The following CSMD1 variants were observed in gnomAD, a reference collection of about 807,000 sequenced individuals.
CSMD1 encodes CUB and Sushi multiple domains 1.
Under a neutral mutation model 417.5 loss-of-function variants are expected in CSMD1, and 213 were observed. That is an observed-to-expected ratio of 0.51 (90% CI 0.46 to 0.57). The LOEUF is 0.57. CSMD1 is among the 20% of genes least tolerant of loss of function. The pLI is 0.00. For missense variants in CSMD1, 6,923 were observed against 4,529.7 expected, an observed-to-expected ratio of 1.53 and a Z score of -15.17; for synonymous variants, 2,862 against 1,736.8, an observed-to-expected ratio of 1.65 and a Z score of -16.11.
At chr8:3,409,039 G>T (rs17066021) in intron 13 of CSMD1, among the ~76,000 whole-genome samples, 1 of 151,890 alleles carries the variant, frequency 6.6e-6, no homozygotes, top group East Asian at 1.9e-4. Context: ...ACCCATGCTC[G>T]CACTGGTGAA....
intron 7 of CSMD1, among the ~76,000 whole-genome samples, chr8:3,653,546 T>C (rs1303285301): frequency 6.6e-6 from 1 of 152,144 alleles, no homozygotes; most frequent in Non-Finnish European, 1.5e-5. Flanking sequence ...TGACCTCAAG[T>C]AATCAGCGCA....
chr8:3,659,369 C>A (rs747078197), intron 7 of CSMD1, among the ~76,000 whole-genome samples: 1 of 152,184 alleles, frequency 6.6e-6, no homozygotes, highest in African/African-American at 2.4e-5. Context: ...TTACTACCCA[C>A]TGATGAAATT....
chr8:4,921,076 A>AAAAG (rs767823930), intron 1 of CSMD1, among the ~76,000 whole-genome samples: 3 of 151,124 alleles, frequency 2.0e-5, no homozygotes, highest in African/African-American at 7.3e-5. Flanking sequence ...AAGAGAAAGA[A>AAAAG]AAAGAAAGAA....
chr8:4,066,703 A>G (rs1799268421), intron 3 of CSMD1, among the ~76,000 whole-genome samples: 1 of 152,144 alleles, frequency 6.6e-6, no homozygotes, highest in African/African-American at 2.4e-5. Flanking sequence ...AAATTAGATG[A>G]TAGTATATTT....
chr8:4,666,457 G>A (rs146132215), intron 1 of CSMD1, among the ~76,000 whole-genome samples: 3 of 152,244 alleles, frequency 2.0e-5, no homozygotes, highest in African/African-American at 4.8e-5. Context: ...AATGTGGGCA[G>A]CCTCTAGAAG....
intron 46 of CSMD1, among the ~76,000 whole-genome samples, chr8:3,102,238 ATAAT>A (rs1166207606): frequency 2.0e-5 from 3 of 152,234 alleles, no homozygotes; most frequent in Non-Finnish European, 1.5e-5. Flanking sequence ...AAGAAAGATG[ATAAT>A]TAAGTGATTC....
rs1014456020 is a variant in CSMD1, at chr8:2,962,411, C to T, written c.9628+55G>A. The T allele has an allele frequency of 1.5e-5, 22 of 1,474,336 alleles. No individual in the cohort carries two copies. The South Asian group carries it at 2.4e-4, about 16-fold the overall frequency. The allele number at this position is 1,474,336 out of a possible 1,614,324, so 91.3% of individuals were successfully genotyped here. The stretch of plus-strand genomic sequence containing the variant: ...CAAATGACCCAATTTCGGAATGAAG[C>T]GTCCTCATCTCCAAATACTCCCAGG... On this transcript the variant is annotated intron_variant, in intron 61 of 69. Coordinates refer to ENST00000635120, the MANE Select transcript of CSMD1 (RefSeq NM_033225.6).
In CSMD1 at chr8:3,575,166, A is replaced by G. The variant is rs1800098197; in HGVS notation, c.1223-100T>C. On this transcript the variant is annotated intron_variant, in intron 9 of 69. Coordinates refer to ENST00000635120, the MANE Select transcript of CSMD1 (RefSeq NM_033225.6). ...ATTTCAAGTTAGCTATTATCTAATC[A>G]CAGTAAAAAAAAAAAAAAAAATGGT... 5 of 1,063,346 alleles carry G rather than the reference A, an allele frequency of 4.7e-6. No individual in the cohort carries two copies. In the East Asian group the frequency reaches 1.2e-4, roughly 25 times the overall value. 65.9% of individuals were successfully genotyped at this position (1,063,346 alleles called of 1,614,324 possible).
At chr8:4,131,806 A>C (rs1370206198) in intron 3 of CSMD1, among the ~76,000 whole-genome samples, 1 of 114,254 alleles carries the variant, frequency 8.8e-6, no homozygotes, top group Non-Finnish European at 1.6e-5. Context: ...TCTGTCACCC[A>C]GGCTGGACTG....
chr8:3,279,138 G>C (rs1802536603), intron 26 of CSMD1: 1 of 152,174 alleles, frequency 6.6e-6, no homozygotes, highest in African/African-American at 2.4e-5. Flanking sequence ...GGTCAGACCA[G>C]CGTCTTCGTG....
intron 10 of CSMD1, among the ~76,000 whole-genome samples, chr8:3,557,706 C>T (rs1313019633): frequency 6.6e-6 from 1 of 152,152 alleles, no homozygotes; most frequent in Non-Finnish European, 1.5e-5. Flanking sequence ...CAGTAAAACA[C>T]ATCACAGCTT....
At chr8:3,812,072 G>C (rs569179908) in intron 5 of CSMD1, among the ~76,000 whole-genome samples, 6 of 152,198 alleles carry the variant, frequency 3.9e-5, no homozygotes, top group East Asian at 3.9e-4. Context: ...GATTTCATCA[G>C]TCACTGGGGT....
At chr8:3,866,106 A>C (rs13250493) in intron 5 of CSMD1, among the ~76,000 whole-genome samples, 12,068 of 152,264 alleles carry the variant, frequency 0.079, 543 homozygotes, top group South Asian at 0.15. Flanking sequence ...AATAAGGATT[A>C]CATTATTCCA....
chr8:3,216,269 T>G (rs984936647), intron 29 of CSMD1, among the ~76,000 whole-genome samples: 5 of 152,190 alleles, frequency 3.3e-5, no homozygotes, highest in Non-Finnish European at 7.4e-5. Flanking sequence ...TTTAAGCAAA[T>G]ACAGATCAAA....
chr8:4,380,822 T>C (rs1803055102), intron 3 of CSMD1, among the ~76,000 whole-genome samples: 1 of 152,200 alleles, frequency 6.6e-6, no homozygotes, highest in African/African-American at 2.4e-5. Flanking sequence ...CACATTAATT[T>C]AGAATGTTTC....
chr8:3,858,316 C>T (rs986479097), intron 5 of CSMD1, among the ~76,000 whole-genome samples: 1 of 152,144 alleles, frequency 6.6e-6, no homozygotes, highest in African/African-American at 2.4e-5. Flanking sequence ...ATAAAAACTT[C>T]AAAGGCTCTT....
At chr8:4,200,072 T>C (rs1030481034) in intron 3 of CSMD1, among the ~76,000 whole-genome samples, 1 of 152,192 alleles carries the variant, frequency 6.6e-6, no homozygotes, top group Admixed American at 6.5e-5. Flanking sequence ...CAACAAATCA[T>C]CCTCTTTATA....
At position 3,408,178 on chromosome 8, in the gene CSMD1, G is replaced by T; in HGVS notation, c.1792C>A (p.Pro598Thr). 2.5e-6 allele frequency: 4 copies of T among 1,611,976 alleles called. No individual in the cohort carries two copies. Among genetic ancestry groups the T allele is most frequent in the Non-Finnish European group, 3.4e-6 (4 of 1,178,968 alleles). ...FTASSGIILS[P>T]NYPEEYGNNM... ...TTCCCATATTCCTCTGGATAATTTG[G>T]TGACAGAATAATCCCAGATGATGCC... Residue 598 changes from proline to threonine, a missense_variant, in exon 14 of 70, where the codon CCA (proline) becomes ACA (threonine). By Grantham distance (38) the Pro-to-Thr change is conservative (BLOSUM62 -1). Transcript: ENST00000635120.
intron 7 of CSMD1, among the ~76,000 whole-genome samples, chr8:3,671,029 T>TAA (rs1798996744): frequency 2.9e-5 from 3 of 104,682 alleles, no homozygotes; most frequent in Non-Finnish European, 4.1e-5. Context: ...ATGGGATATA[T>TAA]GCATATGGGA....
Sources: gnomAD v4.1 joint callset for allele counts (sites outside exome capture counted in the v4.1 genomes callset) on GRCh38, gnomAD v4.1.1 for gene constraint, MANE v1.5 for transcripts, NCBI Gene and HGNC (gene_info 2026-07-23, HGNC 2026-07-21) for gene names.